Variants in SHISA9 observed in about 807,000 individuals in gnomAD.
SHISA9 encodes the protein protein shisa-9.
In SHISA9, 13 loss-of-function variants were observed where a neutral mutation model predicts 38.0. The observed-to-expected ratio is 0.34, with a 90% CI of 0.22 to 0.54. The LOEUF (loss-of-function observed/expected upper bound fraction) is 0.54. Ranked by LOEUF, SHISA9 falls within the 20% of genes least tolerant of loss-of-function variation. SHISA9 has a pLI of 0.91. For synonymous variants in SHISA9, 275 were observed against 242.0 expected, an observed-to-expected ratio of 1.14 and a Z score of -1.27; for missense variants, 538 against 575.8, an observed-to-expected ratio of 0.93 and a Z score of 0.67.
the SHISA9 span, among the ~76,000 whole-genome samples, chr16:13,518,006 A>C: frequency 7.7e-4 from 117 of 152,266 alleles, no homozygotes; most frequent in African/African-American, 2.8e-3. Context: ...GTTGCTGAGC[A>C]GCTGCTGGCA....
chr16:13,082,564 A>G (rs1229802860), intron 2 of SHISA9: 1 of 151,922 alleles, frequency 6.6e-6, no homozygotes, highest in African/African-American at 2.4e-5. Flanking sequence ...TTTCTCTCTC[A>G]TTGGCTTGAA....
At chr16:13,226,482 A>G (rs931557190) in intron 4 of SHISA9, among the ~76,000 whole-genome samples, 1 of 152,184 alleles carries the variant, frequency 6.6e-6, no homozygotes, top group Non-Finnish European at 1.5e-5. Context: ...TGCCTTCTTC[A>G]TCTATAACTC....
chr16:13,322,413 A>G, the SHISA9 span, among the ~76,000 whole-genome samples: 1 of 152,150 alleles, frequency 6.6e-6, no homozygotes, highest in Non-Finnish European at 1.5e-5. Flanking sequence ...CTCTCTTATC[A>G]GTTAATTCAG....
intron 2 of SHISA9, among the ~76,000 whole-genome samples, chr16:12,963,118 T>C (rs2071932462): frequency 6.6e-6 from 1 of 152,202 alleles, no homozygotes; most frequent in Admixed American, 6.5e-5. Flanking sequence ...TTGCTTGCAG[T>C]CAGAGGTGCC....
At chr16:13,533,085 C>G in the SHISA9 span, among the ~76,000 whole-genome samples, 3 of 152,152 alleles carry the variant, frequency 2.0e-5, no homozygotes, top group Non-Finnish European at 2.9e-5. Flanking sequence ...CCAGCTCACC[C>G]TTGTGAGGCC....
intron 2 of SHISA9, among the ~76,000 whole-genome samples, chr16:13,118,730 C>CTTTT (rs34471353): frequency 2.1e-4 from 28 of 130,754 alleles, no homozygotes; most frequent in Non-Finnish European, 2.7e-4. Context: ...TTTCTTTTTT[C>CTTTT]TTTTTTTTTT....
rs188768214 is a variant in SHISA9, at chr16:13,220,833, A to T, written c.895+7533A>T. Among the ~76,000 whole-genome samples the T allele has an allele frequency of 1.3e-4, 20 of 152,180 alleles. 1 individual carries two copies. Among genetic ancestry groups the T allele is most frequent in the African/African-American group, 4.3e-4 (18 of 41,508 alleles). Reference sequence around the variant, plus strand: ...TCCAGTAGCCTTTCAGAAGATGTTGACTGCACAGCAGGACTGCCTAAGTGA... The same window carrying T: ...TCCAGTAGCCTTTCAGAAGATGTTGTCTGCACAGCAGGACTGCCTAAGTGA... On this transcript the variant is annotated intron_variant, in intron 4 of 4. Transcript: ENST00000558583.
chr16:13,554,614 C>G, the SHISA9 span, among the ~76,000 whole-genome samples: 1 of 151,628 alleles, frequency 6.6e-6, no homozygotes, highest in Non-Finnish European at 1.5e-5. Flanking sequence ...GTCTCAGCCT[C>G]CCGAGTAGCT....
intron 2 of SHISA9, among the ~76,000 whole-genome samples, chr16:13,060,779 TTAAAA>T (rs1470720673): frequency 1.3e-5 from 2 of 151,784 alleles, no homozygotes; most frequent in Non-Finnish European, 2.9e-5. Flanking sequence ...CCAGGAAGCT[TTAAAA>T]TTATCTCCTG....
intron 2 of SHISA9, among the ~76,000 whole-genome samples, chr16:13,126,302 A>G (rs942671911): frequency 6.6e-6 from 1 of 151,792 alleles, no homozygotes; most frequent in Admixed American, 6.6e-5. Context: ...TTGCTCCTCT[A>G]CTCCAGCTGA....
At position 13,095,088 on chromosome 16, in the gene SHISA9, A is replaced by G. The variant is rs1044777641; in HGVS notation, c.692-108306A>G. On this transcript the variant is annotated intron_variant, in intron 2 of 4. Transcript: ENST00000558583. The stretch of plus-strand genomic sequence containing the variant: ...TTAAATGGTCTGTCAAATGGTTTAC[A>G]GGTCCCAGGGATAACTGTGAGAGAG... Among the ~76,000 whole-genome samples, 5 of 152,350 alleles carry G rather than the reference A, an allele frequency of 3.3e-5. No homozygotes were observed. In the East Asian group the frequency reaches 9.6e-4, roughly 29 times the overall value.
At chr16:13,412,987 G>A in the SHISA9 span, among the ~76,000 whole-genome samples, 56 of 152,100 alleles carry the variant, frequency 3.7e-4, no homozygotes, top group Middle Eastern at 3.4e-3. Context: ...ATAAAGGAAT[G>A]AATGAATGAA....
At chr16:13,133,297 C>G (rs567691600) in intron 2 of SHISA9, among the ~76,000 whole-genome samples, 1 of 152,126 alleles carries the variant, frequency 6.6e-6, no homozygotes, top group East Asian at 1.9e-4. Context: ...GATGAAATGT[C>G]CATAAGATTA....
intron 2 of SHISA9, among the ~76,000 whole-genome samples, chr16:12,951,407 G>A (rs1432135046): frequency 6.6e-6 from 1 of 152,110 alleles, no homozygotes; most frequent in Non-Finnish European, 1.5e-5. Flanking sequence ...TTTGCAGGGT[G>A]CACAGTCTCT....
At chr16:13,382,433 CA>C in the SHISA9 span, among the ~76,000 whole-genome samples, 3 of 145,346 alleles carry the variant, frequency 2.1e-5, no homozygotes, top group African/African-American at 7.8e-5. Context: ...GAGCCTGGGT[CA>C]GGGGAGAATT....
At chr16:13,441,729 G>T in the SHISA9 span, among the ~76,000 whole-genome samples, 790 of 152,146 alleles carry the variant, frequency 5.2e-3, 1 homozygote, top group African/African-American at 0.018. Flanking sequence ...ACTGGCTCTG[G>T]GTCTCGTTAG....
chr16:13,466,052 G>A, the SHISA9 span, among the ~76,000 whole-genome samples: 1 of 152,160 alleles, frequency 6.6e-6, no homozygotes, highest in Non-Finnish European at 1.5e-5. Context: ...TGGATTGGGG[G>A]ATGTGCACCA....
intron 2 of SHISA9, chr16:13,082,526 T>G (rs866818174): frequency 6.6e-6 from 1 of 152,312 alleles, no homozygotes. Flanking sequence ...TACCTCCTTC[T>G]CATGTCCCGG....
chr16:13,149,294 G>C (rs1391523484), intron 2 of SHISA9, among the ~76,000 whole-genome samples: 1 of 152,192 alleles, frequency 6.6e-6, no homozygotes, highest in Non-Finnish European at 1.5e-5. Context: ...TCCTGAGCCT[G>C]GCATTGAAGG....
Sources: allele counts gnomAD v4.1 joint callset (sites outside exome capture counted in the v4.1 genomes callset), GRCh38; gene constraint gnomAD v4.1.1; transcripts MANE v1.5; gene names NCBI Gene and HGNC (gene_info 2026-07-23, HGNC 2026-07-21).